PTPRJ: variants seen among roughly 807,000 people sequenced by gnomAD.
PTPRJ encodes receptor-type tyrosine-protein phosphatase eta.
PTPRJ carries 129 observed loss-of-function variants against 141.3 expected under a neutral mutation model. That is an observed-to-expected ratio of 0.91 (90% CI 0.79 to 1.06). The LOEUF (loss-of-function observed/expected upper bound fraction) is 1.06. PTPRJ is among the 50% of genes least tolerant of loss of function. PTPRJ has a pLI of 0.00. For synonymous variants in PTPRJ, 610 were observed against 640.5 expected, an observed-to-expected ratio of 0.95 and a Z score of 0.72; for missense variants, 1,601 against 1,679.7, an observed-to-expected ratio of 0.95 and a Z score of 0.82.
At chr11:48,047,125 A>G (rs1307084640) in intron 1 of PTPRJ, among the ~76,000 whole-genome samples, 2 of 151,844 alleles carry the variant, frequency 1.3e-5, no homozygotes, top group African/African-American at 2.4e-5. Flanking sequence ...CATGTTGGCC[A>G]GGCTGGTCTT....
At chr11:48,138,259 CCA>C (rs1857150594) in intron 10 of PTPRJ, among the ~76,000 whole-genome samples, 1 of 152,182 alleles carries the variant, frequency 6.6e-6, no homozygotes, top group Non-Finnish European at 1.5e-5. Context: ...CTGCTCCATC[CCA>C]CCTGGTCTAG....
intron 3 of PTPRJ, among the ~76,000 whole-genome samples, chr11:48,118,285 G>T (rs1444968174): frequency 6.6e-6 from 1 of 152,128 alleles, no homozygotes; most frequent in African/African-American, 2.4e-5. Context: ...GGGTCTCACT[G>T]TGTTGCCCAG....
intron 21 of PTPRJ, among the ~76,000 whole-genome samples, chr11:48,157,129 C>G (rs1857631753): frequency 6.6e-6 from 1 of 152,072 alleles, no homozygotes. Context: ...GCTGGGATTA[C>G]AGGCAGGCGC....
At chr11:48,067,923 A>C (rs1855128307) in intron 1 of PTPRJ, among the ~76,000 whole-genome samples, 1 of 152,226 alleles carries the variant, frequency 6.6e-6, no homozygotes, top group Non-Finnish European at 1.5e-5. Context: ...GAGAATACAG[A>C]AGGCCCATGT....
In PTPRJ at chr11:48,121,127, T is replaced by C; in HGVS notation, c.477T>C (p.Asn159=). ...YKYVVKHKME[N]EKTITVVHQP... ...ATGTAGTAAAGCATAAGATGGAAAA[T>C]GAGAAGACAATTACTGTTGTGCATC... The change falls in exon 4 of 25, where the codon AAT becomes AAC. Residue 159 remains asparagine (N), a synonymous_variant. Coordinates refer to ENST00000418331, the MANE Select transcript of PTPRJ (RefSeq NM_002843.4). 6.2e-7 allele frequency: 1 copy of C among 1,614,130 alleles called. No homozygotes were observed. Among genetic ancestry groups the C allele is most frequent in the South Asian group, 1.1e-5 (1 of 91,090 alleles).
intron 3 of PTPRJ, among the ~76,000 whole-genome samples, chr11:48,116,660 CAT>C (rs1468562519): frequency 2.6e-5 from 4 of 152,304 alleles, no homozygotes; most frequent in African/African-American, 9.6e-5. Context: ...CCAGGTAGAT[CAT>C]ATGTTAGACC....
intron 1 of PTPRJ, among the ~76,000 whole-genome samples, chr11:48,076,746 C>G (rs1422336585): frequency 6.8e-6 from 1 of 147,946 alleles, no homozygotes; most frequent in Non-Finnish European, 1.5e-5. Context: ...TACAAAATAT[C>G]TGCGCCTTTA....
intron 1 of PTPRJ, among the ~76,000 whole-genome samples, chr11:48,001,614 C>CCCAG (rs1266307036): frequency 6.6e-6 from 1 of 152,120 alleles, no homozygotes; most frequent in Non-Finnish European, 1.5e-5. Context: ...AGACACTGTA[C>CCCAG]CCAGTGCTTT....
intron 7 of PTPRJ, among the ~76,000 whole-genome samples, chr11:48,128,745 T>C (rs1856901095): frequency 6.6e-6 from 1 of 152,164 alleles, no homozygotes; most frequent in Non-Finnish European, 1.5e-5. Context: ...CCCTGATGGC[T>C]GAACAGTTTG....
At chr11:48,041,498 T>C (rs1854272272) in intron 1 of PTPRJ, among the ~76,000 whole-genome samples, 1 of 152,222 alleles carries the variant, frequency 6.6e-6, no homozygotes, top group South Asian at 2.1e-4. Context: ...TGTTTCTCTT[T>C]GTTTCTCAGA....
At chr11:48,027,942 G>A (rs561857630) in intron 1 of PTPRJ, among the ~76,000 whole-genome samples, 1 of 150,984 alleles carries the variant, frequency 6.6e-6, no homozygotes, top group South Asian at 2.1e-4. Context: ...TGCATCCAGG[G>A]TCCAGATGCT....
chr11:48,117,314 G>T (rs1359487208), intron 3 of PTPRJ, among the ~76,000 whole-genome samples: 2 of 152,062 alleles, frequency 1.3e-5, no homozygotes, highest in Admixed American at 1.3e-4. Context: ...GCCGAGATGG[G>T]CGGATCACTT....
At chr11:48,123,189 T>C (rs1565313928) in intron 4 of PTPRJ, among the ~76,000 whole-genome samples, 1 of 152,324 alleles carries the variant, frequency 6.6e-6, no homozygotes, top group East Asian at 1.9e-4. Context: ...ATTATTTGCA[T>C]TATCTTGAAT....
intron 1 of PTPRJ, among the ~76,000 whole-genome samples, chr11:48,090,587 T>C (rs1175140971): frequency 6.6e-6 from 1 of 152,228 alleles, no homozygotes; most frequent in Non-Finnish European, 1.5e-5. Flanking sequence ...GGCTGTTTTC[T>C]GCCCTGGAAT....
At chr11:48,087,665 T>G (rs1461257903) in intron 1 of PTPRJ, among the ~76,000 whole-genome samples, 2 of 152,210 alleles carry the variant, frequency 1.3e-5, no homozygotes, top group African/African-American at 4.8e-5. Flanking sequence ...CCATAGACGA[T>G]GGTCATGAGC....
At chr11:48,157,622 G>A (rs1045516769) in intron 21 of PTPRJ, among the ~76,000 whole-genome samples, 31 of 152,200 alleles carry the variant, frequency 2.0e-4, no homozygotes, top group African/African-American at 7.0e-4. Flanking sequence ...GATAGTGGGA[G>A]CCCTTCAGGC....
chr11:48,145,529 T>C lies in PTPRJ; in HGVS notation c.2911+405T>C, dbSNP rs376053026. ...TTATTTTTCTTCATAATTTTAATTA[T>C]GTTTATTGATTTGTTTATTTTATTT... On this transcript the variant is annotated intron_variant, in intron 14 of 24. Transcript: ENST00000418331. Among the ~76,000 whole-genome samples, 909 of 151,818 alleles carry C rather than the reference T, an allele frequency of 6.0e-3. 4 individuals carry two copies. The highest frequency in any genetic ancestry group is 0.027 in the Middle Eastern group (8 of 294).
intron 1 of PTPRJ, among the ~76,000 whole-genome samples, chr11:47,994,627 T>G (rs975212118): frequency 1.3e-5 from 2 of 152,040 alleles, no homozygotes; most frequent in Non-Finnish European, 2.9e-5. Context: ...ATTGCGCCAC[T>G]GCACTTCAGC....
intron 1 of PTPRJ, among the ~76,000 whole-genome samples, chr11:48,084,290 T>G (rs1330935238): frequency 6.6e-6 from 1 of 152,100 alleles, no homozygotes; most frequent in East Asian, 1.9e-4. Flanking sequence ...ATTCTCCTGC[T>G]TCAGCATCCC....
Sources: allele counts gnomAD v4.1 joint callset (sites outside exome capture counted in the v4.1 genomes callset), GRCh38; gene constraint gnomAD v4.1.1; transcripts MANE v1.5; gene names NCBI Gene and HGNC (gene_info 2026-07-23, HGNC 2026-07-21).